CNNM2: variants seen among roughly 807,000 people sequenced by gnomAD.
CNNM2 encodes cyclin and CBS domain divalent metal cation transport mediator 2, also known as metal transporter CNNM2.
In CNNM2, 12 loss-of-function variants were observed where a neutral mutation model predicts 66.9. The ratio of observed to expected loss-of-function variants is 0.18; its 90% CI spans 0.11 to 0.29. The LOEUF (loss-of-function observed/expected upper bound fraction) is 0.29. Ranked by LOEUF, CNNM2 falls within the 10% of genes least tolerant of loss-of-function variation. The pLI, the probability that CNNM2 is intolerant of heterozygous loss-of-function variation, is 1.00. For missense variants in CNNM2, 705 were observed against 1,167.7 expected (o/e 0.60, Z 5.77); for synonymous variants, 557 against 501.8 (o/e 1.11, Z -1.47).
intron 1 of CNNM2, among the ~76,000 whole-genome samples, chr10:103,013,011 AGT>A (rs1282311634): frequency 6.6e-6 from 1 of 152,188 alleles, no homozygotes; most frequent in East Asian, 1.9e-4. Context: ...AGAGTAGAAG[AGT>A]GTGCTGCAAA....
At chr10:102,997,559 G>A (rs1023051859) in intron 1 of CNNM2, among the ~76,000 whole-genome samples, 2 of 152,104 alleles carry the variant, frequency 1.3e-5, no homozygotes, top group East Asian at 1.9e-4. Flanking sequence ...TAATATTTAT[G>A]TAGCATTTGT....
At chr10:103,025,152 C>G (rs534573211) in intron 1 of CNNM2, among the ~76,000 whole-genome samples, 1 of 152,128 alleles carries the variant, frequency 6.6e-6, no homozygotes, top group Non-Finnish European at 1.5e-5. Context: ...AGTGCAGTGG[C>G]GTGATCTCCG....
At chr10:102,949,798 A>C (rs899701056) in intron 1 of CNNM2, among the ~76,000 whole-genome samples, 4 of 151,900 alleles carry the variant, frequency 2.6e-5, no homozygotes, top group African/African-American at 9.7e-5. Context: ...CTCAAATAAT[A>C]ATAATAACAA....
At chr10:102,960,949 A>G (rs1348119624) in intron 1 of CNNM2, among the ~76,000 whole-genome samples, 4 of 149,376 alleles carry the variant, frequency 2.7e-5, no homozygotes, top group African/African-American at 7.4e-5. Context: ...GCTGGAGTGC[A>G]ATGGTGAGAT....
chr10:103,009,676 A>C (rs1433216906), intron 1 of CNNM2, among the ~76,000 whole-genome samples: 2 of 108,202 alleles, frequency 1.8e-5, no homozygotes, highest in East Asian at 5.7e-4. Flanking sequence ...TGAGTCTCCA[A>C]AAAAAAAAAA....
intron 1 of CNNM2, among the ~76,000 whole-genome samples, chr10:103,028,431 C>G (rs949755277): frequency 2.0e-5 from 3 of 152,176 alleles, no homozygotes; most frequent in African/African-American, 4.8e-5. Flanking sequence ...AAGACATTCT[C>G]AAGCACAACA....
At chr10:102,996,029 C>T (rs1409980294) in intron 1 of CNNM2, among the ~76,000 whole-genome samples, 1 of 152,072 alleles carries the variant, frequency 6.6e-6, no homozygotes, top group African/African-American at 2.4e-5. Context: ...AGGAATTGGT[C>T]CATTTTATCA....
intron 1 of CNNM2, among the ~76,000 whole-genome samples, chr10:103,002,556 T>C (rs903656732): frequency 5.4e-5 from 8 of 148,846 alleles, no homozygotes; most frequent in Non-Finnish European, 8.9e-5. Flanking sequence ...CTTGGCCCAC[T>C]GCAGCCTCCA....
At position 103,079,850 on chromosome 10, in the gene CNNM2, C is replaced by A. The variant is rs2065739952; in HGVS notation, c.*2670C>A. On this transcript the variant is annotated 3_prime_UTR_variant, in exon 8 of 8. Transcript: ENST00000369878. Reference sequence around the variant, plus strand: ...GGAGAGCTTAGGACCCTTCAAACAACACTCATGTCTGAGCGGCCAGATTCC... The same window carrying A: ...GGAGAGCTTAGGACCCTTCAAACAAAACTCATGTCTGAGCGGCCAGATTCC... 1 of 152,216 alleles carries A rather than the reference C, an allele frequency of 6.6e-6. No homozygotes were observed. Among genetic ancestry groups the A allele is most frequent in the South Asian group, 2.1e-4 (1 of 4,832 alleles). The allele number at this position is 152,216 out of a possible 1,614,324, so 9.4% of individuals were successfully genotyped here.
intron 7 of CNNM2, 65 bp from the exon 8 acceptor site, chr10:103,076,906 G>A (rs2065701801): frequency 2.1e-6 from 3 of 1,427,826 alleles, no homozygotes; most frequent in South Asian, 2.3e-5. Context: ...TGAACGTGTG[G>A]AGATCAGAGA....
intron 1 of CNNM2, among the ~76,000 whole-genome samples, chr10:103,040,106 G>A (rs374422006): frequency 6.6e-6 from 1 of 152,046 alleles, no homozygotes; most frequent in South Asian, 2.1e-4. Context: ...GGTAGAGGTT[G>A]TAATGAGCCA....
intron 1 of CNNM2, among the ~76,000 whole-genome samples, chr10:103,047,968 C>T (rs571323781): frequency 2.0e-5 from 3 of 152,084 alleles, no homozygotes; most frequent in African/African-American, 7.2e-5. Flanking sequence ...GTTGCCCAGG[C>T]TGGAGTGTAA....
intron 1 of CNNM2, among the ~76,000 whole-genome samples, chr10:103,042,666 A>G (rs2065062334): frequency 1.3e-5 from 2 of 152,234 alleles, no homozygotes; most frequent in Admixed American, 6.5e-5. Flanking sequence ...TAGTTCATTC[A>G]TAGCCCGGAT....
chr10:103,023,397 A>G (rs957797705), intron 1 of CNNM2, among the ~76,000 whole-genome samples: 10 of 152,112 alleles, frequency 6.6e-5, no homozygotes, highest in South Asian at 2.1e-4. Context: ...TACTAAAAAT[A>G]GAGGGTGTGG....
At chr10:102,943,909 T>G (rs1414034046) in intron 1 of CNNM2, among the ~76,000 whole-genome samples, 1 of 152,156 alleles carries the variant, frequency 6.6e-6, no homozygotes, top group Admixed American at 6.6e-5. Flanking sequence ...CTTTAATACC[T>G]AGTTACAATT....
intron 1 of CNNM2, among the ~76,000 whole-genome samples, chr10:102,960,895 C>G (rs2134203549): frequency 7.8e-6 from 1 of 128,242 alleles, no homozygotes; most frequent in East Asian, 2.2e-4. Flanking sequence ...AAGTGATTCT[C>G]TGTTTTTTTT....
At chr10:102,948,661 G>A (rs568906477) in intron 1 of CNNM2, among the ~76,000 whole-genome samples, 1 of 152,296 alleles carries the variant, frequency 6.6e-6, no homozygotes, top group African/African-American at 2.4e-5. Flanking sequence ...GGGTACATGA[G>A]CATGACATTA....
chr10:102,974,250 G>T (rs191925985), intron 1 of CNNM2, among the ~76,000 whole-genome samples: 1 of 152,266 alleles, frequency 6.6e-6, no homozygotes. Flanking sequence ...AGAGGGAAAA[G>T]CACAAAAAAC....
chr10:102,974,052 G>A (rs1332076170), intron 1 of CNNM2, among the ~76,000 whole-genome samples: 2 of 152,188 alleles, frequency 1.3e-5, no homozygotes, highest in Non-Finnish European at 2.9e-5. Context: ...TTTAAGAAAG[G>A]CATTGACGTC....
Sources: gnomAD v4.1 joint callset for allele counts (sites outside exome capture counted in the v4.1 genomes callset) on GRCh38, gnomAD v4.1.1 for gene constraint, MANE v1.5 for transcripts, NCBI Gene and HGNC (gene_info 2026-07-23, HGNC 2026-07-21) for gene names.